Variants in TP53INP1 observed in about 807,000 individuals in gnomAD.
TP53INP1 encodes the protein tumor protein p53-inducible nuclear protein 1.
TP53INP1 carries 12 observed loss-of-function variants against 21.0 expected under a neutral mutation model. The observed-to-expected ratio is 0.57, with a 90% CI of 0.37 to 0.93. TP53INP1 has a LOEUF of 0.93. Ranked by LOEUF, TP53INP1 falls within the 40% of genes least tolerant of loss-of-function variation. TP53INP1 has a pLI of 0.01. For synonymous variants in TP53INP1, 91 were observed against 94.8 expected (o/e 0.96, Z 0.23); for missense variants, 274 against 294.7 (o/e 0.93, Z 0.51).
intron 3 of TP53INP1, among the ~76,000 whole-genome samples, chr8:94,936,043 A>C (rs749101826): frequency 6.6e-6 from 1 of 152,208 alleles, no homozygotes; most frequent in Non-Finnish European, 1.5e-5. Context: ...TGTGGAAGGG[A>C]AACTGGCACT....
At chr8:94,948,884 C>T (rs1822271342) in intron 1 of TP53INP1, among the ~76,000 whole-genome samples, 1 of 151,772 alleles carries the variant, frequency 6.6e-6, no homozygotes, top group African/African-American at 2.4e-5. Flanking sequence ...GGGGCCAGGC[C>T]GGGCCCTTGT....
intron 3 of TP53INP1, among the ~76,000 whole-genome samples, chr8:94,933,839 G>A (rs1209851171): frequency 1.3e-5 from 2 of 148,340 alleles, no homozygotes; most frequent in Non-Finnish European, 3.0e-5. Context: ...CTTTGTGGGG[G>A]GGGGGGGAGG....
intron 1 of TP53INP1, among the ~76,000 whole-genome samples, chr8:94,942,588 A>G (rs1821648699): frequency 6.6e-6 from 1 of 152,204 alleles, no homozygotes; most frequent in Admixed American, 6.5e-5. Flanking sequence ...ATTATTCTAC[A>G]TGTATTTACT....
chr8:94,932,241 T>A, intron 3 of TP53INP1: 1 of 864,650 alleles, frequency 1.2e-6, no homozygotes, highest in Non-Finnish European at 1.8e-6. Flanking sequence ...TACATGTGCT[T>A]AAGATAACAT....
At chr8:94,931,609 CAT>C (rs1554629448) in intron 3 of TP53INP1, among the ~76,000 whole-genome samples, 1 of 151,562 alleles carries the variant, frequency 6.6e-6, no homozygotes, top group African/African-American at 2.4e-5. Flanking sequence ...CACACACACA[CAT>C]AAAATTTTTT....
chr8:94,948,054 G>C (rs540001009), intron 1 of TP53INP1, among the ~76,000 whole-genome samples: 8 of 152,246 alleles, frequency 5.3e-5, no homozygotes, highest in African/African-American at 1.9e-4. Flanking sequence ...CAAAACTATT[G>C]TGCATTGAGA....
Position 94,930,360 on chromosome 8 carries a change from A to C in TP53INP1, c.*119T>G, listed in dbSNP as rs1820270068. 6 of 1,402,442 alleles carry C rather than the reference A, an allele frequency of 4.3e-6. No homozygotes were observed. Among genetic ancestry groups the C allele is most frequent in the Non-Finnish European group, 5.9e-6 (6 of 1,022,454 alleles). 86.9% of individuals were successfully genotyped at this position (1,402,442 alleles called of 1,614,324 possible). On this transcript the variant is annotated 3_prime_UTR_variant, in exon 4 of 4. Transcript: ENST00000342697. ...CAAGATAGTGTCTAAATACACTGAT[A>C]AAACTATGTGATTGGTTATCAATTG...
chr8:94,929,628 C>T lies in TP53INP1; in HGVS notation c.*851G>A, dbSNP rs2904885. 2.2e-4 allele frequency: 33 copies of T among 152,294 alleles called. No individual in the cohort carries two copies. The highest frequency in any genetic ancestry group is 6.3e-4 in the African/African-American group (26 of 41,566). The allele number at this position is 152,294 out of a possible 1,614,324, so 9.4% of individuals were successfully genotyped here. ...AGTCACTTGAGTGCCTGGACAAGTA[C>T]TTCCAAATTTATAGCTGATGCGAGG... On this transcript the variant is annotated 3_prime_UTR_variant, in exon 4 of 4. Coordinates refer to ENST00000342697, the MANE Select transcript of TP53INP1 (RefSeq NM_033285.4).
chr8:94,934,834 A>G (rs1161293874), intron 3 of TP53INP1, among the ~76,000 whole-genome samples: 1 of 152,108 alleles, frequency 6.6e-6, no homozygotes, highest in Non-Finnish European at 1.5e-5. Context: ...TGCCTGAAAC[A>G]CCTCTTAATA....
rs570867319 is a variant in TP53INP1, at chr8:94,940,861, T to A, written c.81A>T (p.Glu27Asp). ...AGTCAACAAGAATCCATTCATCATC[T>A]TCTTTCTCATTGAATTCTGGTTCTT... ...SNQEPEFNEKEDDEWILVDFI... is the reference protein window; with the variant it reads ...SNQEPEFNEKDDDEWILVDFI... The change falls in exon 2 of 4, where the codon GAA becomes GAT. Residue 27 changes from glutamate to aspartate, a missense_variant. Physicochemically the swap from Glu to Asp is conservative, Grantham distance 45. Transcript: ENST00000342697. 17 of 1,613,662 alleles carry A rather than the reference T, an allele frequency of 1.1e-5. No individual in the cohort carries two copies. Among genetic ancestry groups the A allele is most frequent in the African/African-American group, 2.7e-5 (2 of 74,902 alleles).
In TP53INP1 at chr8:94,933,846, G is replaced by GGAAA. The variant is rs71273436; in HGVS notation, c.474-3119_474-3118insTTTC. Among the ~76,000 whole-genome samples, 61 of 140,614 alleles carry GGAAA rather than the reference G, an allele frequency of 4.3e-4. 2 individuals carry two copies. The highest frequency in any genetic ancestry group is 1.5e-3 in the African/African-American group (60 of 38,786). 92.2% of individuals were successfully genotyped at this position (140,614 alleles called of 152,430 possible). A position where few individuals can be genotyped will look rare whatever the true frequency, so the allele number is the denominator to read the frequency against. ...TCCCAGCACTTTGTGGGGGGGGGGG[G>GGAAA]AGGATCACGAGGTCAGGAGTTCAAG... On this transcript the variant is annotated intron_variant, in intron 3 of 3. Transcript: ENST00000342697.
At chr8:94,935,953 C>T (rs1253870395) in intron 3 of TP53INP1, among the ~76,000 whole-genome samples, 1 of 152,104 alleles carries the variant, frequency 6.6e-6, no homozygotes, top group Non-Finnish European at 1.5e-5. Flanking sequence ...AAATGGGGAC[C>T]AACAGCACTG....
rs186819647 is a variant in TP53INP1 at position 94,928,158 on chromosome 8, C to T, written c.*2321G>A. ...ATCCCAACCTTGAAAAAAAGCCCAA[C>T]GAATGTAATTTTTTGTTTTCTAGGT... is the stretch of plus-strand genomic sequence containing the variant. On this transcript the variant is annotated 3_prime_UTR_variant, in exon 4 of 4. Coordinates refer to ENST00000342697, the MANE Select transcript of TP53INP1 (RefSeq NM_033285.4). 6.6e-6 allele frequency: 1 copy of T among 151,868 alleles called. No individual in the cohort carries two copies. The highest frequency in any genetic ancestry group is 1.9e-4 in the East Asian group (1 of 5,152). 9.4% of individuals were successfully genotyped at this position (151,868 alleles called of 1,614,324 possible). A position where few individuals can be genotyped will look rare whatever the true frequency, so the allele number is the denominator to read the frequency against.
At chr8:94,932,780 G>A (rs889298484) in intron 3 of TP53INP1, among the ~76,000 whole-genome samples, 1 of 152,194 alleles carries the variant, frequency 6.6e-6, no homozygotes, top group South Asian at 2.1e-4. Context: ...TCCAGCCTGG[G>A]CGAAGGAGCG....
chr8:94,948,468 G>C (rs1563738368), intron 1 of TP53INP1, among the ~76,000 whole-genome samples: 1 of 152,230 alleles, frequency 6.6e-6, no homozygotes, highest in Non-Finnish European at 1.5e-5. Flanking sequence ...TCTTTCCACA[G>C]GTGCAAAGTC....
In TP53INP1 at chr8:94,927,778, T is replaced by C. The variant is rs980209509; in HGVS notation, c.*2701A>G. On this transcript the variant is annotated 3_prime_UTR_variant, in exon 4 of 4. Transcript: ENST00000342697. ...AAGCACTGCTTGTGTACACCACATA[T>C]TCCAGACTTTTTCCAAGTAACATTC... 3.9e-5 allele frequency: 6 copies of C among 152,554 alleles called. No homozygotes were observed. The highest frequency in any genetic ancestry group is 1.4e-4 in the African/African-American group (6 of 41,452). The allele number at this position is 152,554 out of a possible 1,614,324, so 9.5% of individuals were successfully genotyped here. A position where few individuals can be genotyped will look rare whatever the true frequency, so the allele number is the denominator to read the frequency against.
chr8:94,944,581 T>TGGGCGACAGAGTGCTCA (rs1311461001), intron 1 of TP53INP1, among the ~76,000 whole-genome samples: 1 of 152,190 alleles, frequency 6.6e-6, no homozygotes, highest in Non-Finnish European at 1.5e-5. Context: ...CAACCAACCT[T>TGGGCGACAGAGTGCTCA]GGGCGACAGA....
Position 94,928,319 on chromosome 8 carries a change from T to G in TP53INP1, c.*2160A>C, listed in dbSNP as rs1261326489. ...ATCTCATGGCTGAACTTCTGTAGCT[T>G]GTGAGGTACTAACAACTTACATGCA... On this transcript the variant is annotated 3_prime_UTR_variant, in exon 4 of 4. Transcript: ENST00000342697. 1.3e-5 allele frequency: 2 copies of G among 152,344 alleles called. No homozygotes were observed. Among genetic ancestry groups the G allele is most frequent in the African/African-American group, 2.4e-5 (1 of 41,594 alleles). The allele number at this position is 152,344 out of a possible 1,614,324, so 9.4% of individuals were successfully genotyped here. A position where few individuals can be genotyped will look rare whatever the true frequency, so the allele number is the denominator to read the frequency against.
rs759872899 is a variant in TP53INP1 at position 94,940,088 on chromosome 8, G to C, written c.245C>G (p.Ser82Cys). The C allele has an allele frequency of 9.9e-6, 16 of 1,614,200 alleles. No individual in the cohort carries two copies. The highest frequency in any genetic ancestry group is 1.4e-5 in the Non-Finnish European group (16 of 1,180,036). The change falls in exon 3 of 4, where the codon TCC (serine) becomes TGC (cysteine). Residue 82 changes from serine to cysteine, a missense_variant. Coordinates refer to ENST00000342697, the MANE Select transcript of TP53INP1 (RefSeq NM_033285.4). The stretch of plus-strand genomic sequence containing the variant: ...ACATGACTCAAACTGGAGAAAGCAG[G>C]AATCACTTGTATCAGCCAAGCACTC... Reference protein sequence around the residue: ...SLECLADTSDSCFLQFESCPM... With the variant: ...SLECLADTSDCCFLQFESCPM...
Sources: gnomAD v4.1 joint callset for allele counts (sites outside exome capture counted in the v4.1 genomes callset) on GRCh38, gnomAD v4.1.1 for gene constraint, MANE v1.5 for transcripts, NCBI Gene and HGNC (gene_info 2026-07-23, HGNC 2026-07-21) for gene names.